Variants in ALPK1 observed in about 807,000 individuals in gnomAD.
ALPK1 encodes the protein alpha kinase 1, also known as alpha-protein kinase 1.
ALPK1 carries 110 observed loss-of-function variants against 120.6 expected under a neutral mutation model. The ratio of observed to expected loss-of-function variants is 0.91; its 90% CI spans 0.78 to 1.07. The LOEUF is 1.07. Among genes scored for constraint, ALPK1 ranks in the 50% least tolerant of loss-of-function variants. The pLI, the probability that ALPK1 is intolerant of heterozygous loss-of-function variation, is 0.00. For missense variants in ALPK1, 1,498 were observed against 1,483.9 expected (o/e 1.01, Z -0.16); for synonymous variants, 582 against 560.3 (o/e 1.04, Z -0.55).
chr4:112,410,741 T>G (rs1733417165), intron 4 of ALPK1, among the ~76,000 whole-genome samples: 1 of 152,236 alleles, frequency 6.6e-6, no homozygotes, highest in Admixed American at 6.5e-5. Flanking sequence ...GATGATGATG[T>G]TTTTTCATAA....
intron 1 of ALPK1, among the ~76,000 whole-genome samples, chr4:112,304,149 T>G (rs1292405957): frequency 6.6e-6 from 1 of 152,220 alleles, no homozygotes; most frequent in Non-Finnish European, 1.5e-5. Flanking sequence ...CAGTCTATCA[T>G]TGATGGACAC....
Position 112,432,548 on chromosome 4 carries a change from G to GT in ALPK1, c.3006dup (p.Lys1003Ter), listed in dbSNP as rs1560688397. ...GTTTCAGAGACTAGAGAATACGGGG[G>GT]TTTTTAAGCCCAGTCAACTCCACCG... On this transcript the variant is annotated frameshift_variant, in exon 11 of 16. Transcript: ENST00000650871. LOFTEE classifies it high-confidence loss of function. 6.2e-7 allele frequency: 1 copy of GT among 1,613,660 alleles called. No homozygotes were observed.
chr4:112,380,567 T>C (rs1378740704), intron 3 of ALPK1, among the ~76,000 whole-genome samples: 1 of 152,210 alleles, frequency 6.6e-6, no homozygotes, highest in African/African-American at 2.4e-5. Flanking sequence ...TGGTTCTAAA[T>C]GGCTCATAAA....
rs1322097275 is a variant in ALPK1, at chr4:112,382,925, C to A, written c.276+373C>A. 4 of 244,888 alleles carry A rather than the reference C, an allele frequency of 1.6e-5. 1 individual carries two copies. The highest frequency in any genetic ancestry group is 1.6e-4 in the South Asian group (3 of 19,230). The allele number at this position is 244,888 out of a possible 1,614,324, so 15.2% of individuals were successfully genotyped here. On this transcript the variant is annotated intron_variant, in intron 4 of 15. Transcript: ENST00000650871. ...TAGGTAGCTTAAAAAAGTAAATGCA[C>A]CCTTGTTTCATCAGTGTGACTTGCT...
At chr4:112,334,094 C>A (rs1729508312) in intron 2 of ALPK1, among the ~76,000 whole-genome samples, 1 of 152,100 alleles carries the variant, frequency 6.6e-6, no homozygotes. Flanking sequence ...ACAAATTTCC[C>A]TCTAAAGCAT....
intron 2 of ALPK1, among the ~76,000 whole-genome samples, chr4:112,365,756 C>G (rs1350470557): frequency 6.6e-6 from 1 of 152,124 alleles, no homozygotes; most frequent in African/African-American, 2.4e-5. Context: ...CAAAGCAAGA[C>G]TAAGCAAAAA....
At chr4:112,418,864 GA>G (rs1345585231) in intron 5 of ALPK1, among the ~76,000 whole-genome samples, 2 of 151,928 alleles carry the variant, frequency 1.3e-5, no homozygotes, top group African/African-American at 4.8e-5. Flanking sequence ...GTCATGTCAA[GA>G]AAAAAAGTAC....
intron 1 of ALPK1, among the ~76,000 whole-genome samples, chr4:112,305,526 T>C (rs1728005045): frequency 6.6e-6 from 1 of 152,118 alleles, no homozygotes; most frequent in Non-Finnish European, 1.5e-5. Flanking sequence ...TGAATGGAAG[T>C]TCACTCATGA....
intron 3 of ALPK1, among the ~76,000 whole-genome samples, chr4:112,381,721 C>T (rs774934982): frequency 6.6e-6 from 1 of 152,140 alleles, no homozygotes; most frequent in Non-Finnish European, 1.5e-5. Flanking sequence ...AATTCTGTTT[C>T]GGGTGCCAAA....
At chr4:112,434,569 G>A (rs1290718804) in intron 11 of ALPK1, among the ~76,000 whole-genome samples, 1 of 152,228 alleles carries the variant, frequency 6.6e-6, no homozygotes, top group Admixed American at 6.5e-5. Flanking sequence ...ATAAGGTGGA[G>A]ACTGCCCCTA....
chr4:112,418,607 C>T lies in ALPK1; in HGVS notation c.476-5337C>T, dbSNP rs995258010. Among the ~76,000 whole-genome samples, 3 of 152,256 alleles carry T rather than the reference C, an allele frequency of 2.0e-5. 1 individual carries two copies. The highest frequency in any genetic ancestry group is 6.5e-5 in the Admixed American group (1 of 15,300). ...GATGAGAAGCACCCTTCCCATGCAG[C>T]GTCCTTCCACACCCCACGATGACAA... On this transcript the variant is annotated intron_variant, in intron 5 of 15. Coordinates refer to ENST00000650871, the MANE Select transcript of ALPK1 (RefSeq NM_025144.4).
Position 112,377,828 on chromosome 4 carries a change from G to A in ALPK1, c.51G>A (p.Val17=). 6.2e-7 allele frequency: 1 copy of A among 1,613,680 alleles called. No individual in the cohort carries two copies. Among genetic ancestry groups the A allele is most frequent in the Non-Finnish European group, 8.5e-7 (1 of 1,179,776 alleles). ...TGCTACTGCAAGAGTGCAAGCAAGT[G>A]CTGGATCAGCTCTTGTTGGAAGCGC... The part of the protein sequence containing the change: ...VAVLLQECKQ[V]LDQLLLEAPD... Residue 17 remains valine, a synonymous_variant, in exon 3 of 16, where the codon GTG becomes GTA. Transcript: ENST00000650871.
At chr4:112,304,080 CAT>C (rs1189401300) in intron 1 of ALPK1, among the ~76,000 whole-genome samples, 1 of 152,144 alleles carries the variant, frequency 6.6e-6, no homozygotes. Context: ...GACATGAACT[CAT>C]CCTTTTTTAT....
chr4:112,317,035 C>G (rs1397085353), intron 2 of ALPK1, among the ~76,000 whole-genome samples: 2 of 152,066 alleles, frequency 1.3e-5, no homozygotes, highest in African/African-American at 4.8e-5. Flanking sequence ...CTTTAAGTTT[C>G]CAAAATTGTA....
Position 112,335,220 on chromosome 4 carries a change from C to T in ALPK1, c.-101+19368C>T, listed in dbSNP as rs536177933. On this transcript the variant is annotated intron_variant, in intron 2 of 15. Coordinates refer to ENST00000650871, the MANE Select transcript of ALPK1 (RefSeq NM_025144.4). ...GCGGTGAGTCAAGATCGTGCCATTGCACTCCAGCCTCCAGCCTGGGCAACA... is the reference window on the plus strand; with the variant it reads ...GCGGTGAGTCAAGATCGTGCCATTGTACTCCAGCCTCCAGCCTGGGCAACA... 3.3e-5 allele frequency among the ~76,000 whole-genome samples: 5 copies of T among 150,038 alleles called. No individual in the cohort carries two copies. In the East Asian group the frequency reaches 9.8e-4, roughly 29 times the overall value.
intron 4 of ALPK1, among the ~76,000 whole-genome samples, chr4:112,390,339 G>A (rs1560666631): frequency 6.6e-6 from 1 of 152,114 alleles, no homozygotes; most frequent in Non-Finnish European, 1.5e-5. Flanking sequence ...TCAGTTCTCA[G>A]GGAAGCCTGC....
Position 112,440,816 on chromosome 4 carries a change from T to TGC in ALPK1, c.3539-100_3539-99insCG, listed in dbSNP as rs373370084. ...AGTTTTTGAATTATCTCTTTAAGTG[T>TGC]GTGTGTGTGTGTGTGTGTGTGTGTG... On this transcript the variant is annotated intron_variant, in intron 14 of 15. Transcript: ENST00000650871. 5,155 of 1,416,230 alleles carry TGC rather than the reference T, an allele frequency of 3.6e-3. 46 individuals carry two copies. The East Asian group carries it at 0.067, about 18-fold the overall frequency. 87.7% of individuals were successfully genotyped at this position (1,416,230 alleles called of 1,614,324 possible). A position where few individuals can be genotyped will look rare whatever the true frequency, so the allele number is the denominator to read the frequency against.
intron 13 of ALPK1, 29 bp from the exon 14 acceptor site, chr4:112,439,657 C>G (rs202159203): frequency 5.7e-6 from 9 of 1,577,132 alleles, no homozygotes; most frequent in Non-Finnish European, 7.8e-6. Flanking sequence ...TACCATTATG[C>G]TGTAATGTTT....
chr4:112,336,714 T>C (rs1344586516), intron 2 of ALPK1, among the ~76,000 whole-genome samples: 2 of 152,176 alleles, frequency 1.3e-5, no homozygotes, highest in Non-Finnish European at 2.9e-5. Context: ...TTGTTCATGG[T>C]CTTGGTCAGG....
Sources: allele counts gnomAD v4.1 joint callset (sites outside exome capture counted in the v4.1 genomes callset), GRCh38; gene constraint gnomAD v4.1.1; transcripts MANE v1.5; gene names NCBI Gene and HGNC (gene_info 2026-07-23, HGNC 2026-07-21).